The following THSD7B variants were observed in gnomAD, a reference collection of about 807,000 sequenced individuals.
THSD7B encodes thrombospondin type 1 domain containing 7B.
THSD7B carries 138 observed loss-of-function variants against 213.6 expected under a neutral mutation model. The ratio of observed to expected loss-of-function variants is 0.65; its 90% confidence interval spans 0.56 to 0.74. THSD7B has a LOEUF of 0.74. Ranked by LOEUF, THSD7B falls within the 30% of genes least tolerant of loss-of-function variation. The probability of loss-of-function intolerance (pLI) is 0.00; values close to 1 mark genes in which losing one functional copy is unlikely to be tolerated. For synonymous variants in THSD7B, 742 were observed against 687.0 expected, an observed-to-expected ratio of 1.08 and a Z score of -1.25; for missense variants, 1,931 against 1,991.5, an observed-to-expected ratio of 0.97 and a Z score of 0.58.
intron 1 of THSD7B, among the ~76,000 whole-genome samples, chr2:136,826,813 A>T (rs1395932022): frequency 1.3e-5 from 2 of 152,214 alleles, no homozygotes; most frequent in Admixed American, 6.5e-5. Context: ...ACACTAGAAG[A>T]TGTCTCCATC....
intron 5 of THSD7B, among the ~76,000 whole-genome samples, chr2:137,117,196 C>T (rs982232367): frequency 6.6e-6 from 1 of 152,074 alleles, no homozygotes; most frequent in Non-Finnish European, 1.5e-5. Context: ...AGTGAACCAG[C>T]GGGGTTGTTC....
intron 27 of THSD7B, among the ~76,000 whole-genome samples, chr2:137,670,733 A>G (rs1039878867): frequency 2.0e-5 from 3 of 152,016 alleles, no homozygotes; most frequent in African/African-American, 7.2e-5. Flanking sequence ...CATCCTATCT[A>G]ACACAGTGAA....
intron 5 of THSD7B, among the ~76,000 whole-genome samples, chr2:137,118,397 C>T (rs1688482479): frequency 1.3e-5 from 2 of 152,028 alleles, no homozygotes; most frequent in South Asian, 2.1e-4. Flanking sequence ...GGGAATGTGG[C>T]CTAGAGATTA....
At chr2:137,409,687 G>A (rs965106705) in intron 13 of THSD7B, among the ~76,000 whole-genome samples, 1 of 152,184 alleles carries the variant, frequency 6.6e-6, no homozygotes, top group Non-Finnish European at 1.5e-5. Flanking sequence ...CAGTTTAAGG[G>A]AGGTAGAGAA....
At chr2:136,895,353 C>G (rs1300782508) in intron 2 of THSD7B, among the ~76,000 whole-genome samples, 4 of 151,754 alleles carry the variant, frequency 2.6e-5, no homozygotes, top group African/African-American at 9.7e-5. Context: ...CTTAGGTTTT[C>G]TTCTTTTGAA....
intron 17 of THSD7B, among the ~76,000 whole-genome samples, chr2:137,606,705 C>T (rs1487078425): frequency 2.0e-5 from 3 of 152,002 alleles, no homozygotes; most frequent in Admixed American, 6.6e-5. Flanking sequence ...AGCAATTTAT[C>T]GGCTACTTTG....
intron 15 of THSD7B, among the ~76,000 whole-genome samples, chr2:137,507,534 C>T (rs1262565250): frequency 6.6e-6 from 1 of 152,100 alleles, no homozygotes; most frequent in Non-Finnish European, 1.5e-5. Context: ...CATAAATCCC[C>T]GCTTCCTCCT....
chr2:137,631,364 G>T (rs1275222232), intron 20 of THSD7B, among the ~76,000 whole-genome samples: 1 of 151,996 alleles, frequency 6.6e-6, no homozygotes, highest in Non-Finnish European at 1.5e-5. Flanking sequence ...TTATTTAACT[G>T]ATAACACTCT....
intron 7 of THSD7B, among the ~76,000 whole-genome samples, chr2:137,213,807 G>A (rs1214915131): frequency 2.0e-5 from 3 of 152,044 alleles, no homozygotes; most frequent in African/African-American, 4.8e-5. Context: ...CTACTGGGTC[G>A]TGACAAATGG....
intron 2 of THSD7B, among the ~76,000 whole-genome samples, chr2:136,941,033 G>A (rs1172564924): frequency 6.6e-6 from 1 of 151,886 alleles, no homozygotes; most frequent in Middle Eastern, 3.2e-3. Context: ...AGGCCCCAGT[G>A]TGTGATGTTC....
chr2:137,437,641 A>T (rs374542957), intron 14 of THSD7B, among the ~76,000 whole-genome samples: 43 of 152,160 alleles, frequency 2.8e-4, no homozygotes, highest in African/African-American at 9.6e-4. Flanking sequence ...TATAGGAGCA[A>T]AGGAGGGAAC....
chr2:136,843,110 T>A (rs1682943123), intron 1 of THSD7B, among the ~76,000 whole-genome samples: 1 of 147,738 alleles, frequency 6.8e-6, no homozygotes. Context: ...TTTTTTTGCT[T>A]CCTTCCTTTG....
At chr2:137,039,053 G>A (rs1226241373) in intron 2 of THSD7B, among the ~76,000 whole-genome samples, 3 of 152,188 alleles carry the variant, frequency 2.0e-5, no homozygotes, top group Non-Finnish European at 4.4e-5. Flanking sequence ...AAAAACAGAG[G>A]ATGGGTAAAG....
At chr2:137,169,415 C>T (rs573559736) in intron 6 of THSD7B, among the ~76,000 whole-genome samples, 3 of 151,542 alleles carry the variant, frequency 2.0e-5, no homozygotes, top group Non-Finnish European at 4.4e-5. Context: ...GGTCTTTCTC[C>T]AACTATACCT....
intron 7 of THSD7B, among the ~76,000 whole-genome samples, chr2:137,212,320 G>A (rs1441443227): frequency 6.6e-6 from 1 of 151,850 alleles, no homozygotes; most frequent in African/African-American, 2.4e-5. Context: ...CAAATTCCAT[G>A]TCTCAACAAT....
intron 1 of THSD7B, among the ~76,000 whole-genome samples, chr2:136,789,740 G>C (rs2104912798): frequency 6.6e-6 from 1 of 152,172 alleles, no homozygotes; most frequent in East Asian, 1.9e-4. Context: ...TTTCTTATGG[G>C]GAATTAGGGA....
At chr2:136,897,366 T>C (rs1573696702) in intron 2 of THSD7B, among the ~76,000 whole-genome samples, 1 of 152,100 alleles carries the variant, frequency 6.6e-6, no homozygotes, top group East Asian at 1.9e-4. Context: ...GGGCTCGTGG[T>C]CTCGCTGACT....
chr2:137,644,028 A>T, intron 21 of THSD7B, among the ~76,000 whole-genome samples: 1 of 152,326 alleles, frequency 6.6e-6, no homozygotes, highest in African/African-American at 2.4e-5. Context: ...TTACAAAAAC[A>T]ATAAGGGCAA....
chr2:137,184,751 AG>A (rs1413178523), intron 7 of THSD7B, among the ~76,000 whole-genome samples: 1 of 152,186 alleles, frequency 6.6e-6, no homozygotes, highest in Non-Finnish European at 1.5e-5. Flanking sequence ...AAGAAAAGAA[AG>A]CCAGAGATCC....
Sources: gnomAD v4.1 joint callset for allele counts (sites outside exome capture counted in the v4.1 genomes callset) on GRCh38, gnomAD v4.1.1 for gene constraint, MANE v1.5 for transcripts, NCBI Gene and HGNC (gene_info 2026-07-23, HGNC 2026-07-21) for gene names.